Variants in PIGN observed in about 807,000 individuals in gnomAD.
PIGN encodes GPI ethanolamine phosphate transferase 1.
In PIGN, 117 loss-of-function variants were observed where a neutral mutation model predicts 125.4. The ratio of observed to expected loss-of-function variants is 0.93; its 90% CI spans 0.80 to 1.09. The LOEUF (loss-of-function observed/expected upper bound fraction) is 1.09. PIGN is among the 50% of genes least tolerant of loss of function. PIGN has a pLI of 0.00. For synonymous variants in PIGN, 392 were observed against 377.8 expected, an observed-to-expected ratio of 1.04 and a Z score of -0.44; for missense variants, 1,075 against 1,094.9, an observed-to-expected ratio of 0.98 and a Z score of 0.26.
chr18:62,140,384 T>TTA, intron 12 of PIGN, 36 bp downstream of exon 12: 1 of 952,094 alleles, frequency 1.1e-6, no homozygotes. Context: ...AGTTTTTTTT[T>TTA]ATACTGAGAG....
chr18:62,155,928 T>C (rs1197443805), intron 6 of PIGN, among the ~76,000 whole-genome samples: 2 of 152,234 alleles, frequency 1.3e-5, no homozygotes, highest in Non-Finnish European at 2.9e-5. Context: ...AGTATAATAA[T>C]GTTCTATGAC....
At position 62,025,002 on chromosome 18, in the gene PIGN, C is replaced by A. The variant is rs371131020; in HGVS notation, c.2143-7261G>T. On this transcript the variant is annotated intron_variant, in intron 23 of 24. Coordinates refer to the PIGN transcript ENST00000639600. ...TGGGTACAAGTAGGAGAAACCCTAG[C>A]AGAGGAAGAAACATTGATCTGTGTC... 1.5e-4 allele frequency among the ~76,000 whole-genome samples: 23 copies of A among 152,172 alleles called. 3 individuals are homozygous for A. The highest frequency in any genetic ancestry group is 8.5e-4 in the Admixed American group (13 of 15,284).
chr18:62,048,875 C>T (rs1267552248), intron 30 of PIGN, among the ~76,000 whole-genome samples: 1 of 145,016 alleles, frequency 6.9e-6, no homozygotes, highest in Non-Finnish European at 1.5e-5. Flanking sequence ...ACAACAGTCC[C>T]CAGAGTGTGA....
At chr18:62,138,391 G>T in intron 13 of PIGN, 93 bp from the exon 14 acceptor site, 2 of 1,414,130 alleles carry the variant, frequency 1.4e-6, no homozygotes, top group South Asian at 1.5e-5. Context: ...TTTAGGGATG[G>T]TTAACCACTT....
chr18:62,070,277 T>C, intron 30 of PIGN: 1 of 395,444 alleles, frequency 2.5e-6, no homozygotes, highest in East Asian at 3.6e-5. Context: ...CCTGGACACT[T>C]TAGAATGAGA....
intron 8 of PIGN, 42 bp downstream of exon 8, chr18:62,148,172 C>T: frequency 6.9e-7 from 1 of 1,454,180 alleles, no homozygotes; most frequent in Non-Finnish European, 9.2e-7. Flanking sequence ...AATAGAATAG[C>T]TGTTGCCCTA....
chr18:62,173,830 C>A (rs992629890), intron 1 of PIGN, among the ~76,000 whole-genome samples: 6 of 152,182 alleles, frequency 3.9e-5, no homozygotes, highest in Non-Finnish European at 8.8e-5. Flanking sequence ...CTAATTAATT[C>A]TCTCCCTTCA....
intron 5 of PIGN, 40 bp from the exon 6 acceptor site, chr18:62,157,267 G>T: frequency 3.1e-6 from 3 of 973,200 alleles, no homozygotes; most frequent in Non-Finnish European, 4.8e-6. Context: ...ATATACACAT[G>T]GTACAATAAG....
chr18:62,173,729 G>A (rs964350119), intron 1 of PIGN, among the ~76,000 whole-genome samples: 2 of 152,188 alleles, frequency 1.3e-5, no homozygotes, highest in African/African-American at 4.8e-5. Flanking sequence ...CTCAGTAAAT[G>A]ATAACACTTC....
intron 23 of PIGN, among the ~76,000 whole-genome samples, chr18:62,092,155 C>CATCT (rs1255288624): frequency 6.6e-6 from 1 of 152,046 alleles, no homozygotes; most frequent in African/African-American, 2.4e-5. Context: ...GGGATATGAA[C>CATCT]AGATACCTAC....
Position 62,161,379 on chromosome 18 carries a change from A to G in PIGN, c.-26T>C, listed in dbSNP as rs1347230272. The G allele has an allele frequency of 6.7e-7, 1 of 1,501,058 alleles. No individual in the cohort carries two copies. The highest frequency in any genetic ancestry group is 1.8e-5 in the Admixed American group (1 of 56,870). The allele number at this position is 1,501,058 out of a possible 1,614,324, so 93.0% of individuals were successfully genotyped here. ...ATCCAGTGTAACTAATTAGTCTTCA[A>G]GAACAGCTGAAAGAGAGAACAAAAT... On this transcript the variant is annotated 5_prime_UTR_variant, in exon 4 of 31. Transcript: ENST00000640252.
chr18:62,163,902 T>C (rs1371888775), intron 1 of PIGN, among the ~76,000 whole-genome samples: 1 of 152,244 alleles, frequency 6.6e-6, no homozygotes, highest in African/African-American at 2.4e-5. Context: ...TAACTATTCT[T>C]GCTACTTCAT....
At chr18:62,031,581 A>G (rs969498412) in intron 23 of PIGN, among the ~76,000 whole-genome samples, 1 of 152,152 alleles carries the variant, frequency 6.6e-6, no homozygotes, top group African/African-American at 2.4e-5. Context: ...TAAAATCTAC[A>G]CTATCCCCAG....
intron 1 of PIGN, among the ~76,000 whole-genome samples, chr18:62,176,826 T>C (rs1240697843): frequency 6.6e-6 from 1 of 152,184 alleles, no homozygotes; most frequent in African/African-American, 2.4e-5. Context: ...ATTATACAAA[T>C]ACTAATGTAC....
intron 30 of PIGN, among the ~76,000 whole-genome samples, chr18:62,049,624 G>T (rs987899410): frequency 4.8e-5 from 7 of 147,056 alleles, no homozygotes; most frequent in African/African-American, 1.2e-4. Flanking sequence ...AGTAGGTTGC[G>T]AAAATTTTCT....
At chr18:62,134,774 T>G (rs945793106) in intron 14 of PIGN, among the ~76,000 whole-genome samples, 12 of 152,362 alleles carry the variant, frequency 7.9e-5, no homozygotes, top group Admixed American at 5.9e-4. Flanking sequence ...ATTCCCTTTC[T>G]CACACTCCTA....
At chr18:62,049,256 T>C (rs1159002178) in intron 30 of PIGN, among the ~76,000 whole-genome samples, 1 of 152,180 alleles carries the variant, frequency 6.6e-6, no homozygotes, top group Non-Finnish European at 1.5e-5. Flanking sequence ...CTTCTAGTTC[T>C]AGATCCCTGA....
chr18:62,111,125 A>C (rs1182281511), intron 16 of PIGN, among the ~76,000 whole-genome samples: 1 of 152,076 alleles, frequency 6.6e-6, no homozygotes, highest in East Asian at 1.9e-4. Context: ...AAGTGTCAGA[A>C]AATATGGGTT....
At chr18:62,171,150 T>G (rs2147822811) in intron 1 of PIGN, among the ~76,000 whole-genome samples, 1 of 152,346 alleles carries the variant, frequency 6.6e-6, no homozygotes, top group East Asian at 1.9e-4. Flanking sequence ...CTCCATTTAT[T>G]TAGGTCTTCT....
Sources: gnomAD v4.1 joint callset for allele counts (sites outside exome capture counted in the v4.1 genomes callset) on GRCh38, gnomAD v4.1.1 for gene constraint, MANE v1.5 for transcripts, NCBI Gene and HGNC (gene_info 2026-07-23, HGNC 2026-07-21) for gene names.